The following KIF5C variants were observed in gnomAD, a reference collection of about 807,000 sequenced individuals.
KIF5C encodes kinesin heavy chain isoform 5C.
In KIF5C, 18 loss-of-function variants were observed where a neutral mutation model predicts 125.2. The observed-to-expected ratio is 0.14, with a 90% CI of 0.10 to 0.21. The LOEUF (loss-of-function observed/expected upper bound fraction) is 0.21, where lower values mean the gene tolerates loss of function less well. Among genes scored for constraint, KIF5C ranks in the 10% least tolerant of loss-of-function variants. KIF5C has a pLI of 1.00. For synonymous variants in KIF5C, 405 were observed against 434.0 expected (o/e 0.93, Z 0.83); for missense variants, 780 against 1,183.8 (o/e 0.66, Z 5.01).
At chr2:148,929,136 C>T (rs2105091496) in intron 2 of KIF5C, 145 bp from the exon 3 acceptor site, 1 of 563,532 alleles carries the variant, frequency 1.8e-6, no homozygotes, top group East Asian at 3.0e-5. Flanking sequence ...GAATTTTCTA[C>T]TTAAAATTCA....
chr2:148,969,904 G>C (rs1411648351), intron 11 of KIF5C, among the ~76,000 whole-genome samples: 1 of 152,176 alleles, frequency 6.6e-6, no homozygotes, highest in African/African-American at 2.4e-5. Flanking sequence ...CATTTTCTCG[G>C]TCCTTTGAAG....
At chr2:148,933,402 G>T (rs1682218640) in intron 3 of KIF5C, among the ~76,000 whole-genome samples, 1 of 151,754 alleles carries the variant, frequency 6.6e-6, no homozygotes, top group Admixed American at 6.6e-5. Flanking sequence ...CCTCTAAGGA[G>T]CACCTCACTC....
intron 16 of KIF5C, among the ~76,000 whole-genome samples, chr2:148,992,721 T>C (rs1002040144): frequency 2.0e-5 from 3 of 152,272 alleles, no homozygotes; most frequent in Non-Finnish European, 4.4e-5. Context: ...AAATAGTCCA[T>C]AGATTGGTTT....
intron 10 of KIF5C, among the ~76,000 whole-genome samples, chr2:148,958,819 TA>T (rs1469851556): frequency 6.6e-6 from 1 of 151,904 alleles, no homozygotes; most frequent in Non-Finnish European, 1.5e-5. Context: ...CTGTCTCTAC[TA>T]AAAATACAAA....
At chr2:148,965,632 C>T (rs1477638896) in intron 11 of KIF5C, among the ~76,000 whole-genome samples, 4 of 152,200 alleles carry the variant, frequency 2.6e-5, no homozygotes, top group South Asian at 2.1e-4. Context: ...TGCCAGTGGA[C>T]GTTACAGGGA....
In KIF5C at chr2:148,978,996, G is replaced by A. The variant is rs1306577266; in HGVS notation, c.1362+6G>A. ...AGATGTTGGATCAGGATGAGGTAAA[G>A]AATGCAATATATTTTTTTTTCCACA... On this transcript the variant is annotated splice_donor_region_variant and intron_variant, in intron 13 of 25. Transcript: ENST00000435030. 4.2e-5 allele frequency: 66 copies of A among 1,564,540 alleles called. No homozygotes were observed. Among genetic ancestry groups the A allele is most frequent in the Non-Finnish European group, 5.5e-5 (64 of 1,155,530 alleles).
intron 13 of KIF5C, among the ~76,000 whole-genome samples, chr2:148,980,542 C>CT: frequency 6.6e-6 from 1 of 152,212 alleles, no homozygotes; most frequent in South Asian, 2.1e-4. Flanking sequence ...AAAAAGGTGA[C>CT]TGACCACTGT....
intron 17 of KIF5C, 64 bp from the exon 18 acceptor site, chr2:148,997,199 AT>A: frequency 6.4e-7 from 1 of 1,552,334 alleles, no homozygotes; most frequent in South Asian, 1.2e-5. Context: ...TTGTTTTTTA[AT>A]TTTTGCTTTT....
At chr2:148,976,377 C>G (rs1681072457) in intron 12 of KIF5C, among the ~76,000 whole-genome samples, 1 of 152,068 alleles carries the variant, frequency 6.6e-6, no homozygotes, top group Middle Eastern at 3.4e-3. Context: ...TCAAGCAATT[C>G]TCCTGCCTCA....
chr2:148,962,169 A>AT (rs893900003), intron 11 of KIF5C, 50 bp downstream of exon 11: 1 of 1,503,526 alleles, frequency 6.7e-7, no homozygotes, highest in Non-Finnish European at 8.9e-7. Context: ...TGCTTTTTTT[A>AT]TTTTTATTTT....
At chr2:148,943,847 A>G (rs1682463767) in intron 7 of KIF5C, among the ~76,000 whole-genome samples, 1 of 152,224 alleles carries the variant, frequency 6.6e-6, no homozygotes, top group Non-Finnish European at 1.5e-5. Context: ...CTATCTGAGC[A>G]ATGTATCAGA....
At chr2:148,918,996 G>A (rs1441468998) in intron 1 of KIF5C, among the ~76,000 whole-genome samples, 1 of 152,174 alleles carries the variant, frequency 6.6e-6, no homozygotes, top group Non-Finnish European at 1.5e-5. Context: ...GGGACATATT[G>A]AATGGTTCTT....
intron 1 of KIF5C, among the ~76,000 whole-genome samples, chr2:148,904,799 T>A (rs143447006): frequency 6.6e-6 from 1 of 152,212 alleles, no homozygotes; most frequent in Non-Finnish European, 1.5e-5. Flanking sequence ...CTAACTCTAG[T>A]ATTTAGTAGG....
At chr2:148,987,312 G>T (rs1032336503) in intron 15 of KIF5C, among the ~76,000 whole-genome samples, 10 of 152,066 alleles carry the variant, frequency 6.6e-5, no homozygotes, top group African/African-American at 1.9e-4. Flanking sequence ...TTATAATTAG[G>T]CCCTGTACAT....
chr2:148,971,327 T>C (rs1680901112), intron 11 of KIF5C, among the ~76,000 whole-genome samples: 1 of 151,502 alleles, frequency 6.6e-6, no homozygotes, highest in Non-Finnish European at 1.5e-5. Flanking sequence ...TATCTATCTA[T>C]CTATCTATGT....
At chr2:148,950,768 C>T (rs1448708939) in intron 10 of KIF5C, among the ~76,000 whole-genome samples, 3 of 151,180 alleles carry the variant, frequency 2.0e-5, no homozygotes, top group Non-Finnish European at 4.4e-5. Flanking sequence ...AAGATCATAC[C>T]ACTGCACTCC....
intron 11 of KIF5C, among the ~76,000 whole-genome samples, chr2:148,963,301 A>G: frequency 6.6e-6 from 1 of 151,956 alleles, no homozygotes; most frequent in East Asian, 1.9e-4. Flanking sequence ...GCTTTGGGTA[A>G]GGGTAGGAGC....
rs769334227 is a variant in KIF5C at position 148,983,656 on chromosome 2, C to G, written c.1606C>G (p.Leu536Val). 2 of 1,606,992 alleles carry G rather than the reference C, an allele frequency of 1.2e-6. No homozygotes were observed. The highest frequency in any genetic ancestry group is 1.7e-6 in the Non-Finnish European group (2 of 1,175,488). The part of the protein sequence containing the change: ...LTTTQRELSQ[L>V]QELSNHQKKR... Reference sequence around the variant, plus strand: ...AACCACACAGAGAGAGCTGAGCCAGCTACAAGAGCTTAGCAACCACCAGAA... The same window carrying G: ...AACCACACAGAGAGAGCTGAGCCAGGTACAAGAGCTTAGCAACCACCAGAA... The change falls in exon 15 of 26, where the codon CTA (leucine) becomes GTA (valine). Residue 536 changes from leucine (L) to valine (V), a missense_variant. By Grantham distance (32) the Leu-to-Val change is conservative. Transcript: ENST00000435030.
intron 1 of KIF5C, among the ~76,000 whole-genome samples, chr2:148,882,568 G>A (rs1374153983): frequency 6.6e-6 from 1 of 152,134 alleles, no homozygotes; most frequent in Non-Finnish European, 1.5e-5. Flanking sequence ...TCCCCCTCAA[G>A]AAGATTAGGC....
Sources: gnomAD v4.1 joint callset for allele counts (sites outside exome capture counted in the v4.1 genomes callset) on GRCh38, gnomAD v4.1.1 for gene constraint, MANE v1.5 for transcripts, NCBI Gene and HGNC (gene_info 2026-07-23, HGNC 2026-07-21) for gene names.